Variants in DMXL1 observed in about 807,000 individuals in gnomAD.
DMXL1 encodes the protein dmX-like protein 1.
DMXL1 carries 99 observed loss-of-function variants against 319.2 expected under a neutral mutation model. The observed-to-expected ratio is 0.31, with a 90% CI of 0.26 to 0.37. The LOEUF (loss-of-function observed/expected upper bound fraction) is 0.37, where lower values mean the gene tolerates loss of function less well. Ranked by LOEUF, DMXL1 falls within the 10% of genes least tolerant of loss-of-function variation. The pLI is 1.00. For missense variants in DMXL1, 3,745 were observed against 3,595.6 expected, an observed-to-expected ratio of 1.04 and a Z score of -1.06; for synonymous variants, 1,385 against 1,235.2, an observed-to-expected ratio of 1.12 and a Z score of -2.54.
intron 34 of DMXL1, among the ~76,000 whole-genome samples, chr5:119,207,605 G>GC (rs1294429474): frequency 6.6e-6 from 1 of 152,042 alleles, no homozygotes; most frequent in Admixed American, 6.6e-5. Flanking sequence ...TGCAACCTCT[G>GC]CCCCCCAGGT....
chr5:119,162,027 C>T lies in DMXL1; in HGVS notation c.4703-2480C>T, dbSNP rs189733596. The stretch of plus-strand genomic sequence containing the variant: ...ATTGTTTCCCTTGAGGTGAGACCAG[C>T]GTGAGCTTCCTGGGAAACATTTTAG... On this transcript the variant is annotated intron_variant, in intron 19 of 43. Coordinates refer to ENST00000539542, the MANE Select transcript of DMXL1 (RefSeq NM_001290321.3). Among the ~76,000 whole-genome samples, 1,375 of 152,300 alleles carry T rather than the reference C, an allele frequency of 9.0e-3. 7 individuals carry two copies. Among genetic ancestry groups the T allele is most frequent in the Non-Finnish European group, 0.014 (976 of 68,012 alleles).
At chr5:119,134,220 A>G in intron 12 of DMXL1, 42 bp downstream of exon 12, 1 of 1,606,214 alleles carries the variant, frequency 6.2e-7, no homozygotes. Context: ...AGATTTGCTG[A>G]CATTATCATC....
intron 33 of DMXL1, among the ~76,000 whole-genome samples, chr5:119,204,788 G>T (rs986895230): frequency 1.3e-5 from 2 of 152,186 alleles, no homozygotes; most frequent in African/African-American, 4.8e-5. Context: ...GAACTAGTCT[G>T]AAAGCAAGCT....
rs577718903 is a variant in DMXL1 at position 119,166,844 on chromosome 5, T to C, written c.5136+63T>C. 1,288 of 1,337,382 alleles carry C rather than the reference T, an allele frequency of 9.6e-4. 1 individual carries two copies. Among genetic ancestry groups the C allele is most frequent in the Non-Finnish European group, 1.1e-3 (1,134 of 986,660 alleles). 82.8% of individuals were successfully genotyped at this position (1,337,382 alleles called of 1,614,324 possible). On this transcript the variant is annotated intron_variant, in intron 22 of 43. Coordinates refer to ENST00000539542, the MANE Select transcript of DMXL1 (RefSeq NM_001290321.3). Reference sequence around the variant, plus strand: ...TCATCTTTTAAAGCTCCTTAGTGCTTAAATTTTTATTTTTTTAAATTCAAC... The same window carrying C: ...TCATCTTTTAAAGCTCCTTAGTGCTCAAATTTTTATTTTTTTAAATTCAAC...
intron 39 of DMXL1, 93 bp downstream of exon 39, chr5:119,233,560 GGTA>G (rs1787172230): frequency 8.0e-6 from 8 of 997,640 alleles, no homozygotes; most frequent in South Asian, 1.5e-5. Context: ...CAGCTCCGTG[GGTA>G]GTAGTAAAGT....
chr5:119,188,997 T>C (rs1457467523), intron 28 of DMXL1, among the ~76,000 whole-genome samples: 2 of 152,194 alleles, frequency 1.3e-5, no homozygotes, highest in African/African-American at 4.8e-5. Context: ...GCAAAATCCT[T>C]GATTGTCTAC....
Position 119,086,248 on chromosome 5 carries a change from C to T in DMXL1, c.88-11731C>T, listed in dbSNP as rs192289059. Among the ~76,000 whole-genome samples the T allele has an allele frequency of 2.0e-3, 304 of 152,214 alleles. 1 individual carries two copies. The highest frequency in any genetic ancestry group is 5.0e-3 in the Admixed American group (76 of 15,284). On this transcript the variant is annotated intron_variant, in intron 1 of 43. Transcript: ENST00000539542. The stretch of plus-strand genomic sequence containing the variant: ...ACCGTGAAAACAGTATGGGGTAAAC[C>T]GCCCCCATGATTCAATTATCTCCCA...
chr5:119,094,990 G>T (rs949455444), intron 1 of DMXL1, among the ~76,000 whole-genome samples: 18 of 151,900 alleles, frequency 1.2e-4, no homozygotes, highest in African/African-American at 4.4e-4. Context: ...TGGGTAGCTG[G>T]GACTACAGGC....
intron 42 of DMXL1, among the ~76,000 whole-genome samples, chr5:119,241,632 T>C (rs1788834091): frequency 6.6e-6 from 1 of 152,150 alleles, no homozygotes; most frequent in Admixed American, 6.5e-5. Context: ...CAATTCAACT[T>C]TTTTCTTGTA....
chr5:119,164,605 T>A lies in DMXL1; in HGVS notation c.4801T>A (p.Ser1601Thr), dbSNP rs1258370525. 1 of 1,614,140 alleles carries A rather than the reference T, an allele frequency of 6.2e-7. No homozygotes were observed. The highest frequency in any genetic ancestry group is 8.5e-7 in the Non-Finnish European group (1 of 1,179,998). The change falls in exon 20 of 44, where the codon TCT (serine) becomes ACT (threonine). Residue 1601 changes from serine to threonine, a missense_variant. Ser to Thr is a moderately conservative substitution (Grantham distance 58). Around this residue, in one of 4 missense-constraint regions of DMXL1, gnomAD observed 2,096 missense variants for 1,985.4 expected, o/e 1.06. Coordinates refer to ENST00000539542, the MANE Select transcript of DMXL1 (RefSeq NM_001290321.3). ...PAMQKDDPTW[S>T]ELRAMGVGWW... ...CATGCAGAAAGATGATCCCACTTGG[T>A]CTGAACTAAGAGCTATGGGTGTGGG...
At chr5:119,244,607 A>G in intron 43 of DMXL1, 31 bp downstream of exon 43, 1 of 1,544,374 alleles carries the variant, frequency 6.5e-7, no homozygotes, top group Non-Finnish European at 8.9e-7. Context: ...AACATCTACA[A>G]AATGAAATCT....
chr5:119,078,211 C>T (rs1156959692), intron 1 of DMXL1, among the ~76,000 whole-genome samples: 1 of 152,132 alleles, frequency 6.6e-6, no homozygotes, highest in African/African-American at 2.4e-5. Flanking sequence ...AACTTCTGGC[C>T]TCAAGTGATC....
chr5:119,081,507 C>T (rs1752184836), intron 1 of DMXL1: 2 of 915,824 alleles, frequency 2.2e-6, no homozygotes, highest in African/African-American at 3.6e-5. Flanking sequence ...TTGACTCAAA[C>T]ATCTTCACAC....
intron 1 of DMXL1, among the ~76,000 whole-genome samples, chr5:119,075,556 A>G (rs1324252973): frequency 6.6e-6 from 1 of 151,918 alleles, no homozygotes; most frequent in Non-Finnish European, 1.5e-5. Flanking sequence ...TTCTTTTTCA[A>G]AGTCAGTTGT....
At chr5:119,077,984 C>G (rs1288196983) in intron 1 of DMXL1, among the ~76,000 whole-genome samples, 1 of 151,552 alleles carries the variant, frequency 6.6e-6, no homozygotes, top group Non-Finnish European at 1.5e-5. Context: ...GTCCACCTGC[C>G]TCAGCCTCCC....
chr5:119,103,553 C>A (rs1282818488), intron 3 of DMXL1, among the ~76,000 whole-genome samples: 2 of 152,086 alleles, frequency 1.3e-5, no homozygotes, highest in Non-Finnish European at 2.9e-5. Context: ...TCTTTCCTTA[C>A]CTTGTGTTAA....
intron 25 of DMXL1, among the ~76,000 whole-genome samples, chr5:119,172,619 C>G (rs1016959505): frequency 4.6e-5 from 7 of 152,178 alleles, no homozygotes; most frequent in Admixed American, 1.3e-4. Context: ...CCAAAGCATC[C>G]TATTCATCAT....
chr5:119,137,106 A>C (rs920795448), intron 13 of DMXL1, among the ~76,000 whole-genome samples: 3 of 152,254 alleles, frequency 2.0e-5, no homozygotes, highest in African/African-American at 7.2e-5. Context: ...ACAGGGGCAG[A>C]GTTTCCCAAG....
At chr5:119,076,281 A>G (rs1004038524) in intron 1 of DMXL1, among the ~76,000 whole-genome samples, 1 of 152,204 alleles carries the variant, frequency 6.6e-6, no homozygotes, top group Non-Finnish European at 1.5e-5. Flanking sequence ...GGGCTGAATA[A>G]GTAGTCGTCT....
Sources: gnomAD v4.1 joint callset for allele counts (sites outside exome capture counted in the v4.1 genomes callset) on GRCh38, gnomAD v4.1.1 for gene constraint, gnomAD v4.1.1 regional missense constraint, MANE v1.5 for transcripts, NCBI Gene and HGNC (gene_info 2026-07-23, HGNC 2026-07-21) for gene names.